SLIT2: variants seen among roughly 807,000 people sequenced by gnomAD.
The protein encoded by SLIT2 is slit homolog 2 protein.
SLIT2 carries 41 observed loss-of-function variants against 185.7 expected under a neutral mutation model. That is an observed-to-expected ratio of 0.22 (90% CI 0.17 to 0.29). The LOEUF is 0.29. Ranked by LOEUF, SLIT2 falls within the 10% of genes least tolerant of loss-of-function variation. The probability of loss-of-function intolerance (pLI) is 1.00; values close to 1 mark genes in which losing one functional copy is unlikely to be tolerated. For missense variants in SLIT2, 1,571 were observed against 1,909.0 expected, an observed-to-expected ratio of 0.82 and a Z score of 3.30; for synonymous variants, 693 against 680.2, an observed-to-expected ratio of 1.02 and a Z score of -0.29.
rs1711884597 is a variant in SLIT2 at position 20,256,694 on chromosome 4, A to G, written c.202A>G (p.Thr68Ala). The change falls in exon 2 of 37, where the codon ACA (threonine) becomes GCA (alanine). Residue 68 changes from threonine to alanine, a missense_variant. Coordinates refer to ENST00000504154, the MANE Select transcript of SLIT2 (RefSeq NM_004787.4). ...ERLDLNGNNI[T>A]RITKTDFAGL... ...TAGGGATTTAAATGGAAATAACATC[A>G]CAAGAATTACGAAGACAGATTTTGC... 2 of 1,573,672 alleles carry G rather than the reference A, an allele frequency of 1.3e-6. No homozygotes were observed. Among genetic ancestry groups the G allele is most frequent in the Admixed American group, 1.7e-5 (1 of 57,608 alleles).
At chr4:20,485,488 AC>A (rs1404018917) in intron 6 of SLIT2, among the ~76,000 whole-genome samples, 1 of 152,146 alleles carries the variant, frequency 6.6e-6, no homozygotes, top group Non-Finnish European at 1.5e-5. Context: ...ATAACTCTTC[AC>A]CACACATATT....
intron 4 of SLIT2, among the ~76,000 whole-genome samples, chr4:20,301,389 CTA>C (rs973664871): frequency 3.9e-5 from 6 of 151,924 alleles, no homozygotes; most frequent in East Asian, 1.9e-4. Flanking sequence ...CCAAATAGAC[CTA>C]TGTTTGCTAA....
chr4:20,420,605 G>A (rs1276830219), intron 4 of SLIT2, among the ~76,000 whole-genome samples: 2 of 151,634 alleles, frequency 1.3e-5, no homozygotes, highest in Non-Finnish European at 1.5e-5. Context: ...AAGACACAGA[G>A]AATAAGACAT....
intron 4 of SLIT2, among the ~76,000 whole-genome samples, chr4:20,321,768 T>C (rs1168188901): frequency 1.3e-5 from 2 of 152,204 alleles, no homozygotes; most frequent in African/African-American, 4.8e-5. Flanking sequence ...ACTTTCATTT[T>C]GCATTCTCTC....
At chr4:20,259,202 T>G (rs1309908554) in intron 3 of SLIT2, among the ~76,000 whole-genome samples, 2 of 151,752 alleles carry the variant, frequency 1.3e-5, no homozygotes, top group East Asian at 3.9e-4. Context: ...TAACAAAGCT[T>G]ATAAGTTCAT....
At chr4:20,336,716 C>T (rs1222718745) in intron 4 of SLIT2, among the ~76,000 whole-genome samples, 1 of 152,102 alleles carries the variant, frequency 6.6e-6, no homozygotes, top group African/African-American at 2.4e-5. Context: ...AATATGAAGA[C>T]ACAGAGTATA....
At chr4:20,457,899 C>G (rs535620869) in intron 4 of SLIT2, among the ~76,000 whole-genome samples, 1 of 152,132 alleles carries the variant, frequency 6.6e-6, no homozygotes, top group Admixed American at 6.6e-5. Flanking sequence ...AGCATTTGAT[C>G]TTCATGGGAA....
At chr4:20,480,644 A>C (rs1716604708) in intron 5 of SLIT2, 72 bp from the exon 6 acceptor site, 1 of 1,112,042 alleles carries the variant, frequency 9.0e-7, no homozygotes, top group South Asian at 1.3e-5. Context: ...TAGACCCTTC[A>C]GGAAACTTCT....
intron 12 of SLIT2, among the ~76,000 whole-genome samples, chr4:20,522,916 G>T (rs1486673992): frequency 1.3e-5 from 2 of 152,110 alleles, no homozygotes; most frequent in Non-Finnish European, 2.9e-5. Flanking sequence ...CAGGCATATA[G>T]ATGACAGTCA....
chr4:20,606,375 A>G (rs1728796789), intron 33 of SLIT2, among the ~76,000 whole-genome samples: 1 of 151,980 alleles, frequency 6.6e-6, no homozygotes, highest in Non-Finnish European at 1.5e-5. Flanking sequence ...CTAGCTACTT[A>G]GGAAGCTGAG....
chr4:20,295,727 T>C (rs1716392987), intron 4 of SLIT2, among the ~76,000 whole-genome samples: 1 of 152,216 alleles, frequency 6.6e-6, no homozygotes, highest in Admixed American at 6.5e-5. Context: ...AGATTTTTGC[T>C]GTGCACAATG....
At chr4:20,518,557 G>GTGTGTGTATATATATATATA (rs1271279922) in intron 11 of SLIT2, among the ~76,000 whole-genome samples, 12 of 17,846 alleles carry the variant, frequency 6.7e-4, no homozygotes, top group South Asian at 2.7e-3. Flanking sequence ...CAGCCTATAT[G>GTGTGTGTATATATATATATA]TATATATATA....
At chr4:20,432,636 A>G (rs1729078955) in intron 4 of SLIT2, among the ~76,000 whole-genome samples, 2 of 152,014 alleles carry the variant, frequency 1.3e-5, no homozygotes, top group Admixed American at 6.6e-5. Context: ...TTCCAAGTGC[A>G]TAAATGCTGC....
intron 15 of SLIT2, among the ~76,000 whole-genome samples, chr4:20,526,354 C>T (rs999666310): frequency 6.6e-6 from 1 of 152,044 alleles, no homozygotes; most frequent in Non-Finnish European, 1.5e-5. Context: ...TTGAAAAGAA[C>T]AGTTGATTGG....
intron 16 of SLIT2, among the ~76,000 whole-genome samples, chr4:20,529,652 TAAC>T (rs755924897): frequency 6.6e-6 from 1 of 152,198 alleles, no homozygotes; most frequent in Non-Finnish European, 1.5e-5. Flanking sequence ...TATTTACACT[TAAC>T]AGCCTTAACA....
intron 33 of SLIT2, among the ~76,000 whole-genome samples, chr4:20,600,535 G>A (rs1728330025): frequency 6.9e-6 from 1 of 145,472 alleles, no homozygotes; most frequent in Non-Finnish European, 1.5e-5. Context: ...CCATTCTCCT[G>A]CCTCGGCCTC....
intron 4 of SLIT2, among the ~76,000 whole-genome samples, chr4:20,413,619 C>T (rs10011395): frequency 6.6e-6 from 1 of 151,724 alleles, no homozygotes; most frequent in Non-Finnish European, 1.5e-5. Flanking sequence ...TTTTGGAGCT[C>T]TGTTTTTACG....
At chr4:20,501,715 A>G (rs765152066) in intron 9 of SLIT2, among the ~76,000 whole-genome samples, 1 of 152,184 alleles carries the variant, frequency 6.6e-6, no homozygotes, top group Non-Finnish European at 1.5e-5. Flanking sequence ...CCATGCATGT[A>G]GTTCCGCAGG....
intron 35 of SLIT2, 119 bp downstream of exon 35, chr4:20,617,317 G>T: frequency 1.5e-6 from 2 of 1,309,452 alleles, no homozygotes; most frequent in East Asian, 2.4e-5. Context: ...GGGGAGGTTC[G>T]TTAGGCATTA....
Sources: gnomAD v4.1 joint callset for allele counts (sites outside exome capture counted in the v4.1 genomes callset) on GRCh38, gnomAD v4.1.1 for gene constraint, MANE v1.5 for transcripts, NCBI Gene and HGNC (gene_info 2026-07-23, HGNC 2026-07-21) for gene names.